BTF3L4: variants seen among roughly 807,000 people sequenced by gnomAD.
BTF3L4 encodes the protein basic transcription factor 3 like 4, also known as transcription factor BTF3 homolog 4.
A neutral mutation model predicts 16.8 loss-of-function variants in BTF3L4; 6 were observed. That is an observed-to-expected ratio of 0.36 (90% CI 0.20 to 0.71). BTF3L4 has a LOEUF of 0.71. BTF3L4 is among the 30% of genes least tolerant of loss of function. The probability of loss-of-function intolerance (pLI) is 0.58; values close to 1 mark genes in which losing one functional copy is unlikely to be tolerated. For synonymous variants in BTF3L4, 39 were observed against 59.8 expected (o/e 0.65, Z 1.60); for missense variants, 92 against 186.9 (o/e 0.49, Z 2.96).
At chr1:52,058,223 T>C (rs1572017988) in intron 1 of BTF3L4, among the ~76,000 whole-genome samples, 1 of 152,222 alleles carries the variant, frequency 6.6e-6, no homozygotes, top group African/African-American at 2.4e-5. Context: ...TGTTTTGGAC[T>C]CTAAACACAC....
intron 3 of BTF3L4, among the ~76,000 whole-genome samples, chr1:52,077,291 CA>C (rs1357814062): frequency 1.3e-5 from 2 of 152,226 alleles, no homozygotes; most frequent in Admixed American, 6.5e-5. Flanking sequence ...CCTGTAATCA[CA>C]ACACTTTGGG....
chr1:52,088,859 C>T lies in BTF3L4; in HGVS notation c.*2101C>T, dbSNP rs973876305. The T allele has an allele frequency of 6.6e-6, 1 of 151,710 alleles. No homozygotes were observed. Among genetic ancestry groups the T allele is most frequent in the Admixed American group, 6.6e-5 (1 of 15,222 alleles). The allele number at this position is 151,710 out of a possible 1,614,324, so 9.4% of individuals were successfully genotyped here. On this transcript the variant is annotated 3_prime_UTR_variant, in exon 6 of 6. Transcript: ENST00000313334. ...TGTTGTGGTCTCGGCTGACTGCAACCTCCACCTCCCAGATTCAAGCGATTC... is the reference window on the plus strand; with the variant it reads ...TGTTGTGGTCTCGGCTGACTGCAACTTCCACCTCCCAGATTCAAGCGATTC...
In BTF3L4 at chr1:52,087,041, G is replaced by A. The variant is rs1643978586; in HGVS notation, c.*283G>A. On this transcript the variant is annotated 3_prime_UTR_variant, in exon 6 of 6. Transcript: ENST00000313334. Reference sequence around the variant, plus strand: ...TTGTTTTTTGTTTGGGGTATTTTTGGTGTATGTATGTTTATGTATGTGTGT... The same window carrying A: ...TTGTTTTTTGTTTGGGGTATTTTTGATGTATGTATGTTTATGTATGTGTGT... The A allele has an allele frequency of 6.4e-6, 2 of 310,506 alleles. No individual in the cohort carries two copies. Among genetic ancestry groups the A allele is most frequent in the Admixed American group, 9.9e-5 (2 of 20,204 alleles). 19.2% of individuals were successfully genotyped at this position (310,506 alleles called of 1,614,324 possible).
chr1:52,069,860 G>A (rs1686740368), intron 3 of BTF3L4, among the ~76,000 whole-genome samples: 1 of 152,106 alleles, frequency 6.6e-6, no homozygotes, highest in Non-Finnish European at 1.5e-5. Flanking sequence ...TACTATCCAA[G>A]CTATCAGTAT....
At chr1:52,058,509 A>T (rs939988895) in intron 1 of BTF3L4, among the ~76,000 whole-genome samples, 2 of 152,216 alleles carry the variant, frequency 1.3e-5, no homozygotes, top group African/African-American at 4.8e-5. Flanking sequence ...TGGCCAAAGA[A>T]GATTTGATAA....
intron 3 of BTF3L4, among the ~76,000 whole-genome samples, chr1:52,067,655 A>C (rs985220081): frequency 2.0e-5 from 3 of 152,238 alleles, no homozygotes; most frequent in Non-Finnish European, 4.4e-5. Context: ...AACTTGGTAA[A>C]AATGAATAAG....
intron 1 of BTF3L4, among the ~76,000 whole-genome samples, chr1:52,056,620 T>G (rs1686363809): frequency 6.6e-6 from 1 of 152,234 alleles, no homozygotes; most frequent in Non-Finnish European, 1.5e-5. Context: ...CCCGCCCTGT[T>G]GCCGCCCAGA....
intron 1 of BTF3L4, among the ~76,000 whole-genome samples, chr1:52,056,723 T>C (rs1293446520): frequency 6.6e-6 from 1 of 152,234 alleles, no homozygotes; most frequent in Non-Finnish European, 1.5e-5. Flanking sequence ...TTATACAGGC[T>C]CTCTGTTGTC....
In BTF3L4 at chr1:52,089,767, C is replaced by T. The variant is rs1424987172; in HGVS notation, c.*3009C>T. On this transcript the variant is annotated 3_prime_UTR_variant, in exon 6 of 6. Transcript: ENST00000313334. ...GACAAGTCCAAAGTAAATGGTTGGG[C>T]TCTTATATCTGTTTTACCCTTATTT... 1 of 151,994 alleles carries T rather than the reference C, an allele frequency of 6.6e-6. No individual in the cohort carries two copies. The highest frequency in any genetic ancestry group is 1.9e-4 in the East Asian group (1 of 5,198). 9.4% of individuals were successfully genotyped at this position (151,994 alleles called of 1,614,324 possible).
chr1:52,080,866 A>G (rs563598476), intron 3 of BTF3L4, among the ~76,000 whole-genome samples: 1 of 121,596 alleles, frequency 8.2e-6, no homozygotes, highest in Admixed American at 9.9e-5. Flanking sequence ...TTTCTGAGAA[A>G]GTCTCACTCG....
intron 2 of BTF3L4, 21 bp downstream of exon 2, chr1:52,059,922 A>G: frequency 6.2e-7 from 1 of 1,602,774 alleles, no homozygotes; most frequent in South Asian, 1.1e-5. Flanking sequence ...CATAAGAAAA[A>G]TTGATAGGAG....
At chr1:52,073,529 C>T (rs1026140509) in intron 3 of BTF3L4, among the ~76,000 whole-genome samples, 19 of 143,550 alleles carry the variant, frequency 1.3e-4, no homozygotes, top group African/African-American at 3.9e-4. Flanking sequence ...CACACACACA[C>T]ATATGATTAC....
At position 52,083,912 on chromosome 1, in the gene BTF3L4, C is replaced by T. The variant is rs144295194; in HGVS notation, c.370+371C>T. The stretch of plus-strand genomic sequence containing the variant: ...GCAGGCGCCTATAATCCCAGCTACT[C>T]GGGAGGCTGAGGCAGGAGAATTGCT... On this transcript the variant is annotated intron_variant, in intron 4 of 5. Coordinates refer to ENST00000313334, the MANE Select transcript of BTF3L4 (RefSeq NM_152265.5). Among the ~76,000 whole-genome samples the T allele has an allele frequency of 3.6e-3, 546 of 151,118 alleles. 3 individuals carry two copies. Among genetic ancestry groups the T allele is most frequent in the Middle Eastern group, 0.01 (3 of 292 alleles).
At chr1:52,083,815 T>A (rs1643945304) in intron 4 of BTF3L4, among the ~76,000 whole-genome samples, 1 of 151,654 alleles carries the variant, frequency 6.6e-6, no homozygotes, top group African/African-American at 2.4e-5. Flanking sequence ...AGGTCAGGAG[T>A]TCGAGACCAG....
At chr1:52,064,157 CA>C (rs1686587773) in intron 2 of BTF3L4, among the ~76,000 whole-genome samples, 2 of 152,170 alleles carry the variant, frequency 1.3e-5, no homozygotes, top group Admixed American at 1.3e-4. Context: ...AGGACAAGTT[CA>C]ACCTTGTTTC....
At chr1:52,074,947 A>G (rs1686893658) in intron 3 of BTF3L4, among the ~76,000 whole-genome samples, 1 of 150,376 alleles carries the variant, frequency 6.6e-6, no homozygotes, top group Admixed American at 6.6e-5. Context: ...TGTAGAGATG[A>G]GGTCTCCCTA....
At chr1:52,084,136 A>G (rs186279058) in intron 4 of BTF3L4, among the ~76,000 whole-genome samples, 88 of 151,916 alleles carry the variant, frequency 5.8e-4, no homozygotes, top group Non-Finnish European at 1.0e-3. Context: ...ATTTTATTTT[A>G]TTTCATTTTA....
chr1:52,072,305 T>C (rs1248941611), intron 3 of BTF3L4, among the ~76,000 whole-genome samples: 2 of 152,048 alleles, frequency 1.3e-5, no homozygotes, highest in Non-Finnish European at 2.9e-5. Flanking sequence ...CCGCCTGCCT[T>C]GGCCTCCCAA....
chr1:52,065,142 A>G, intron 3 of BTF3L4: 1 of 342,280 alleles, frequency 2.9e-6, no homozygotes, highest in Non-Finnish European at 5.3e-6. Flanking sequence ...GATTTTCATC[A>G]TACTTTTCAA....
Sources: allele counts gnomAD v4.1 joint callset (sites outside exome capture counted in the v4.1 genomes callset), GRCh38; gene constraint gnomAD v4.1.1; transcripts MANE v1.5; gene names NCBI Gene and HGNC (gene_info 2026-07-23, HGNC 2026-07-21).